The following HDGFL2 variants were observed in gnomAD, a reference collection of about 807,000 sequenced individuals.
HDGFL2 encodes HDGF like 2.
In HDGFL2, 36 loss-of-function variants were observed where a neutral mutation model predicts 77.1. That is an observed-to-expected ratio of 0.47 (90% CI 0.36 to 0.62). The LOEUF is 0.62. Ranked by LOEUF, HDGFL2 falls within the 20% of genes least tolerant of loss-of-function variation. HDGFL2 has a pLI of 0.00. For missense variants in HDGFL2, 976 were observed against 973.4 expected (o/e 1.00, Z -0.04); for synonymous variants, 463 against 413.1 (o/e 1.12, Z -1.46).
chr19:4,477,321 TG>T (rs1190567132), intron 3 of HDGFL2, among the ~76,000 whole-genome samples: 1 of 152,072 alleles, frequency 6.6e-6, no homozygotes, highest in Non-Finnish European at 1.5e-5. Flanking sequence ...ACTCAACGGA[TG>T]TCCCTTGAGC....
rs754018896 is a variant in HDGFL2 at position 4,472,337 on chromosome 19, C to G, written c.-14C>G. ...TGCAGCCGCTTTCCGCGGCCTGGGC[C>G]TCTCGCCGTCAGCATGCCACACGCC... On this transcript the variant is annotated 5_prime_UTR_variant, in exon 1 of 16. Coordinates refer to ENST00000616600, the MANE Select transcript of HDGFL2 (RefSeq NM_001001520.3). 3 of 1,514,528 alleles carry G rather than the reference C, an allele frequency of 2.0e-6. No homozygotes were observed. Among genetic ancestry groups the G allele is most frequent in the Non-Finnish European group, 2.6e-6 (3 of 1,133,034 alleles). The allele number at this position is 1,514,528 out of a possible 1,614,324, so 93.8% of individuals were successfully genotyped here.
chr19:4,472,457 G>T (rs745499185), intron 1 of HDGFL2, 35 bp downstream of exon 1: 10 of 455,732 alleles, frequency 2.2e-5, no homozygotes, highest in Non-Finnish European at 3.4e-5. Context: ...CGGTGGGGGG[G>T]GGGGGGGGGG....
At position 4,472,981 on chromosome 19, in the gene HDGFL2, T is replaced by C. The variant is rs552969139; in HGVS notation, c.72+559T>C. Among the ~76,000 whole-genome samples the C allele has an allele frequency of 1.4e-4, 21 of 145,048 alleles. No individual in the cohort carries two copies. The South Asian group carries it at 3.1e-3, about 22-fold the overall frequency. ...CTGAGAGACTCTCGCCCTTGGTGTA[T>C]GAGGGTTTTGGGGCTCAGAGAGTCG... On this transcript the variant is annotated intron_variant, in intron 1 of 15. Transcript: ENST00000616600.
Position 4,494,148 on chromosome 19 carries a change from C to A in HDGFL2, c.915-18C>A. ...TGAGGGAGGAACGGAGGTCCCCAAC[C>A]GCCCCCTCCGCCTCCAGTGACAGCG... On this transcript the variant is annotated intron_variant, in intron 8 of 15. Coordinates refer to ENST00000616600, the MANE Select transcript of HDGFL2 (RefSeq NM_001001520.3). 1 of 1,488,880 alleles carries A rather than the reference C, an allele frequency of 6.7e-7. No individual in the cohort carries two copies. The highest frequency in any genetic ancestry group is 8.9e-7 in the Non-Finnish European group (1 of 1,121,940). The allele number at this position is 1,488,880 out of a possible 1,614,324, so 92.2% of individuals were successfully genotyped here.
chr19:4,474,691 C>T (rs546710474), intron 1 of HDGFL2, among the ~76,000 whole-genome samples: 3 of 152,120 alleles, frequency 2.0e-5, no homozygotes, highest in Non-Finnish European at 4.4e-5. Flanking sequence ...TTCTCTCCCC[C>T]GTCCCCCCTT....
intron 9 of HDGFL2, 22 bp downstream of exon 9, chr19:4,494,497 A>T: frequency 7.3e-7 from 1 of 1,364,308 alleles, no homozygotes; most frequent in Non-Finnish European, 9.4e-7. Flanking sequence ...GGGCGCCGGG[A>T]GTCCCTGCCT....
intron 3 of HDGFL2, among the ~76,000 whole-genome samples, chr19:4,481,184 G>A: frequency 8.1e-6 from 1 of 123,456 alleles, no homozygotes; most frequent in Non-Finnish European, 1.6e-5. Context: ...ACCACGCCTG[G>A]CTAATTTTTT....
chr19:4,498,119 C>T (rs968419213), intron 11 of HDGFL2, 88 bp downstream of exon 11: 17 of 1,300,730 alleles, frequency 1.3e-5, no homozygotes, highest in Non-Finnish European at 1.6e-5. Context: ...TCCCGCCTGT[C>T]CCTAGAGAGG....
At position 4,502,112 on chromosome 19, in the gene HDGFL2, T is replaced by C; in HGVS notation, c.*102T>C. 1.2e-6 allele frequency: 1 copy of C among 831,070 alleles called. No individual in the cohort carries two copies. The highest frequency in any genetic ancestry group is 2.0e-6 in the Non-Finnish European group (1 of 505,392). 51.5% of individuals were successfully genotyped at this position (831,070 alleles called of 1,614,324 possible). ...CAGAGAACTGTGGGGAACGCTGTGC[T>C]GTTTGTATTTGTTCCCTTGGGTTTT... is the stretch of plus-strand genomic sequence containing the variant. On this transcript the variant is annotated 3_prime_UTR_variant, in exon 16 of 16. Coordinates refer to ENST00000616600, the MANE Select transcript of HDGFL2 (RefSeq NM_001001520.3).
chr19:4,499,450 G>T, intron 13 of HDGFL2, 41 bp from the exon 14 acceptor site: 2 of 1,584,304 alleles, frequency 1.3e-6, no homozygotes, highest in Non-Finnish European at 1.7e-6. Context: ...GGCTAGGGCC[G>T]CTGCACTTGG....
At chr19:4,473,471 T>C (rs984856900) in intron 1 of HDGFL2, among the ~76,000 whole-genome samples, 1 of 151,722 alleles carries the variant, frequency 6.6e-6, no homozygotes, top group African/African-American at 2.4e-5. Flanking sequence ...ATCCCAGGCC[T>C]GAGGGCTCAA....
intron 3 of HDGFL2, among the ~76,000 whole-genome samples, chr19:4,477,455 C>G (rs1431037038): frequency 6.6e-6 from 1 of 152,164 alleles, no homozygotes. Context: ...TTCATACTTG[C>G]TATCTTTCCT....
rs572809028 is a variant in HDGFL2 at position 4,496,861 on chromosome 19, C to T, written c.1328+456C>T. 2.0e-5 allele frequency: 8 copies of T among 396,260 alleles called. No individual in the cohort carries two copies. In the East Asian group the frequency reaches 5.7e-4, roughly 28 times the overall value. 24.5% of individuals were successfully genotyped at this position (396,260 alleles called of 1,614,324 possible). A position where few individuals can be genotyped will look rare whatever the true frequency, so the allele number is the denominator to read the frequency against. On this transcript the variant is annotated intron_variant, in intron 10 of 15. Coordinates refer to ENST00000616600, the MANE Select transcript of HDGFL2 (RefSeq NM_001001520.3). ...GTGGTGGGCAGACAGAGCCTGTCTC[C>T]CAGCTCACTTTTTTTTTTTTTTTTG... is the stretch of plus-strand genomic sequence containing the variant.
intron 10 of HDGFL2, 108 bp downstream of exon 10, chr19:4,496,513 C>A (rs1425009327): frequency 2.4e-6 from 2 of 833,054 alleles, no homozygotes; most frequent in African/African-American, 1.7e-5. Flanking sequence ...AGCCTTGGAG[C>A]CGGACCCGGT....
chr19:4,482,629 G>T (rs555822035), intron 3 of HDGFL2, among the ~76,000 whole-genome samples: 20 of 152,284 alleles, frequency 1.3e-4, no homozygotes, highest in Admixed American at 8.5e-4. Flanking sequence ...TAAACCACGG[G>T]CCCTGCTAAA....
At chr19:4,485,084 G>A (rs1975326913) in intron 3 of HDGFL2, among the ~76,000 whole-genome samples, 1 of 152,168 alleles carries the variant, frequency 6.6e-6, no homozygotes. Context: ...GGGATTACAG[G>A]CATGAGCCAC....
chr19:4,486,580 C>T (rs1027941710), intron 3 of HDGFL2, among the ~76,000 whole-genome samples: 1 of 151,860 alleles, frequency 6.6e-6, no homozygotes, highest in South Asian at 2.1e-4. Context: ...TGGCTCACTC[C>T]TGTAATCCCA....
At chr19:4,495,825 G>A (rs1224266745) in intron 9 of HDGFL2, among the ~76,000 whole-genome samples, 1 of 152,150 alleles carries the variant, frequency 6.6e-6, no homozygotes, top group African/African-American at 2.4e-5. Context: ...CACGTGTGGT[G>A]CTGCGGGCCC....
At position 4,494,430 on chromosome 19, in the gene HDGFL2, C is replaced by G. The variant is rs1027205470; in HGVS notation, c.1179C>G (p.Pro393=). The G allele has an allele frequency of 2.8e-5, 39 of 1,406,632 alleles. No individual in the cohort carries two copies. Among genetic ancestry groups the G allele is most frequent in the Non-Finnish European group, 3.4e-5 (37 of 1,085,898 alleles). 87.1% of individuals were successfully genotyped at this position (1,406,632 alleles called of 1,614,324 possible). ...GACGCAAGGGCCGGGGCCGGGGTCC[C>G]CCGTCCTCCTCTGACTCCGAGCCCG... is the stretch of plus-strand genomic sequence containing the variant. The part of the protein sequence containing the change: ...KRGRKGRGRG[P]PSSSDSEPEA... The change falls in exon 9 of 16, where the codon CCC becomes CCG. Residue 393 remains proline, a synonymous_variant. Coordinates refer to ENST00000616600, the MANE Select transcript of HDGFL2 (RefSeq NM_001001520.3).
Sources: allele counts gnomAD v4.1 joint callset (sites outside exome capture counted in the v4.1 genomes callset), GRCh38; gene constraint gnomAD v4.1.1; transcripts MANE v1.5; gene names NCBI Gene and HGNC (gene_info 2026-07-23, HGNC 2026-07-21).